GCH1: variants seen among roughly 807,000 people sequenced by gnomAD.
The protein encoded by GCH1 is GTP cyclohydrolase 1.
In GCH1, 5 loss-of-function variants were observed where a neutral mutation model predicts 25.9. That is an observed-to-expected ratio of 0.19 (90% confidence interval 0.10 to 0.41). The LOEUF (loss-of-function observed/expected upper bound fraction) is 0.41, where lower values mean the gene tolerates loss of function less well. GCH1 is among the 10% of genes least tolerant of loss of function. The pLI, the probability that GCH1 is intolerant of heterozygous loss-of-function variation, is 1.00. For missense variants in GCH1, 261 were observed against 336.5 expected (o/e 0.78, Z 1.75); for synonymous variants, 159 against 129.6 (o/e 1.23, Z -1.54).
chr14:54,882,183 T>C (rs893569358), intron 1 of GCH1, among the ~76,000 whole-genome samples: 11 of 152,324 alleles, frequency 7.2e-5, no homozygotes, highest in Admixed American at 3.3e-4. Flanking sequence ...AATGGTAAAG[T>C]AGAAGGAATG....
chr14:54,849,775 T>C (rs1304748082), intron 3 of GCH1, among the ~76,000 whole-genome samples: 1 of 152,208 alleles, frequency 6.6e-6, no homozygotes, highest in Non-Finnish European at 1.5e-5. Flanking sequence ...TTCTCATTCA[T>C]ATTTTCTACC....
rs573839688 is a variant in GCH1, at chr14:54,897,408, C to G, written c.343+4913G>C. Among the ~76,000 whole-genome samples, 5 of 152,140 alleles carry G rather than the reference C, an allele frequency of 3.3e-5. No individual in the cohort carries two copies. The South Asian group carries it at 1.0e-3, about 32-fold the overall frequency. ...GGTTCAAGCAATTCTCCTGCTTCAGCCTCCCAAGTAGCTGGGATTACAGGC... is the reference window on the plus strand; with the variant it reads ...GGTTCAAGCAATTCTCCTGCTTCAGGCTCCCAAGTAGCTGGGATTACAGGC... On this transcript the variant is annotated intron_variant, in intron 1 of 5. Transcript: ENST00000491895.
At chr14:54,848,136 C>CTTTT (rs376044763) in intron 3 of GCH1, among the ~76,000 whole-genome samples, 1 of 137,360 alleles carries the variant, frequency 7.3e-6, no homozygotes, top group Non-Finnish European at 1.6e-5. Flanking sequence ...AAATTTTCCT[C>CTTTT]TTTTTTTTTT....
At chr14:54,863,266 C>A (rs1042894855) in intron 2 of GCH1, among the ~76,000 whole-genome samples, 3 of 150,768 alleles carry the variant, frequency 2.0e-5, no homozygotes, top group Admixed American at 1.3e-4. Context: ...AAAAATACAA[C>A]AACAAAATTA....
intron 1 of GCH1, chr14:54,885,383 T>C: frequency 3.9e-6 from 1 of 255,334 alleles, no homozygotes; most frequent in Non-Finnish European, 8.0e-6. Context: ...GTCTGCCTGA[T>C]CTCTGTCTAA....
At chr14:54,875,785 A>G (rs535251736) in intron 1 of GCH1, among the ~76,000 whole-genome samples, 126 of 152,352 alleles carry the variant, frequency 8.3e-4, no homozygotes, top group African/African-American at 2.9e-3. Flanking sequence ...TGCAAATCAA[A>G]ACCACAATGA....
At chr14:54,860,785 C>T (rs1405450596) in intron 2 of GCH1, among the ~76,000 whole-genome samples, 1 of 152,094 alleles carries the variant, frequency 6.6e-6, no homozygotes, top group South Asian at 2.1e-4. Flanking sequence ...GTGATCTGCC[C>T]GCCTCGGCCT....
intron 2 of GCH1, among the ~76,000 whole-genome samples, chr14:54,864,815 A>T (rs760181660): frequency 5.3e-5 from 8 of 152,188 alleles, no homozygotes; most frequent in Non-Finnish European, 1.2e-4. Flanking sequence ...GAGGAATCTA[A>T]TGCATTAGAT....
intron 2 of GCH1, among the ~76,000 whole-genome samples, chr14:54,860,051 T>A (rs1268199348): frequency 6.6e-6 from 1 of 152,198 alleles, no homozygotes; most frequent in African/African-American, 2.4e-5. Flanking sequence ...AAATCCTGCA[T>A]ACTCAAGTCC....
intron 1 of GCH1, chr14:54,885,157 TA>T: frequency 3.9e-6 from 1 of 254,900 alleles, no homozygotes; most frequent in Non-Finnish European, 8.1e-6. Flanking sequence ...GAGGTCAAGG[TA>T]ATCATCCTGA....
chr14:54,862,456 C>G (rs1334304974), intron 2 of GCH1, among the ~76,000 whole-genome samples: 6 of 138,306 alleles, frequency 4.3e-5, no homozygotes, highest in Non-Finnish European at 9.3e-5. Flanking sequence ...GATCTCGGCT[C>G]ACTGCAGCCT....
intron 2 of GCH1, among the ~76,000 whole-genome samples, chr14:54,860,055 C>A (rs1470539174): frequency 6.6e-6 from 1 of 152,162 alleles, no homozygotes; most frequent in African/African-American, 2.4e-5. Context: ...CCTGCATACT[C>A]AAGTCCCGCA....
chr14:54,848,904 T>G (rs544185627), intron 3 of GCH1, among the ~76,000 whole-genome samples: 4 of 152,264 alleles, frequency 2.6e-5, no homozygotes, highest in Admixed American at 6.5e-5. Flanking sequence ...CTGTATATAT[T>G]ACTTCTGATA....
intron 3 of GCH1, among the ~76,000 whole-genome samples, chr14:54,853,499 C>T (rs1335894389): frequency 6.6e-6 from 1 of 152,142 alleles, no homozygotes; most frequent in Admixed American, 6.6e-5. Flanking sequence ...ACTAGAATTG[C>T]CTCATGCTTT....
intron 1 of GCH1, among the ~76,000 whole-genome samples, chr14:54,890,114 G>A (rs2140112145): frequency 6.6e-6 from 1 of 152,336 alleles, no homozygotes; most frequent in South Asian, 2.1e-4. Flanking sequence ...AGATGACTCA[G>A]ATTCTAGAAA....
chr14:54,860,204 T>C (rs1474501260), intron 2 of GCH1, among the ~76,000 whole-genome samples: 1 of 152,218 alleles, frequency 6.6e-6, no homozygotes, highest in Non-Finnish European at 1.5e-5. Context: ...GCAGTTCAAA[T>C]TCATGTTGTT....
chr14:54,883,371 C>CAAAAAAA (rs59191993), intron 1 of GCH1, among the ~76,000 whole-genome samples: 1 of 55,218 alleles, frequency 1.8e-5, no homozygotes, highest in African/African-American at 6.2e-5. Context: ...GACTCCGACT[C>CAAAAAAA]AAAAAAAAAA....
intron 1 of GCH1, among the ~76,000 whole-genome samples, chr14:54,867,486 G>T (rs1594991325): frequency 6.6e-6 from 1 of 150,638 alleles, no homozygotes; most frequent in Non-Finnish European, 1.5e-5. Context: ...TACTCGGGGG[G>T]CTGAGACAGG....
chr14:54,843,124 A>C lies in GCH1; in HGVS notation c.*893T>G, dbSNP rs2039585598. ...AAAATATCTTATAAGATTAAAAAAA[A>C]GAAGAAGAAGAAACATTTTGAGGCA... is the stretch of plus-strand genomic sequence containing the variant. On this transcript the variant is annotated 3_prime_UTR_variant, in exon 6 of 6. Transcript: ENST00000491895. 3 of 1,458,728 alleles carry C rather than the reference A, an allele frequency of 2.1e-6. No homozygotes were observed. The highest frequency in any genetic ancestry group is 2.7e-6 in the Non-Finnish European group (3 of 1,107,494). The allele number at this position is 1,458,728 out of a possible 1,614,324, so 90.4% of individuals were successfully genotyped here.
Sources: gnomAD v4.1 joint callset for allele counts (sites outside exome capture counted in the v4.1 genomes callset) on GRCh38, gnomAD v4.1.1 for gene constraint, MANE v1.5 for transcripts, NCBI Gene and HGNC (gene_info 2026-07-23, HGNC 2026-07-21) for gene names.